The following PRKN variants were observed in gnomAD, a reference collection of about 807,000 sequenced individuals.
The protein encoded by PRKN is parkin RBR E3 ubiquitin protein ligase.
Under a neutral mutation model 59.5 loss-of-function variants are expected in PRKN, and 56 were observed. The observed-to-expected ratio is 0.94, with a 90% CI of 0.76 to 1.18. PRKN has a LOEUF of 1.18. Ranked by LOEUF, PRKN falls within the 50% of genes most tolerant of loss-of-function variation. The pLI is 0.00. For missense variants in PRKN, 657 were observed against 596.4 expected (o/e 1.10, Z -1.06); for synonymous variants, 250 against 222.1 (o/e 1.13, Z -1.12).
At chr6:161,817,926 G>A (rs925988783) in intron 6 of PRKN, among the ~76,000 whole-genome samples, 7 of 152,154 alleles carry the variant, frequency 4.6e-5, no homozygotes, top group African/African-American at 9.7e-5. Context: ...GGAGACCCCC[G>A]AAGAGCCTGA....
intron 8 of PRKN, among the ~76,000 whole-genome samples, chr6:161,563,089 G>T (rs779968463): frequency 5.9e-5 from 9 of 151,910 alleles, no homozygotes; most frequent in African/African-American, 1.5e-4. Flanking sequence ...CTCTGCTTGG[G>T]ATGCTCTTCT....
chr6:161,868,429 A>C (rs2128226142), intron 6 of PRKN, among the ~76,000 whole-genome samples: 1 of 152,014 alleles, frequency 6.6e-6, no homozygotes, highest in South Asian at 2.1e-4. Context: ...AAATACAAAA[A>C]AATTAGCTGG....
chr6:162,170,146 A>T (rs1386621485), intron 4 of PRKN, among the ~76,000 whole-genome samples: 1 of 151,940 alleles, frequency 6.6e-6, no homozygotes, highest in Non-Finnish European at 1.5e-5. Flanking sequence ...TTCCACTTTT[A>T]CCTTTCTTAC....
At chr6:162,027,401 T>C (rs1418260440) in intron 5 of PRKN, among the ~76,000 whole-genome samples, 4 of 152,184 alleles carry the variant, frequency 2.6e-5, no homozygotes, top group Non-Finnish European at 2.9e-5. Flanking sequence ...TGGGCATCTA[T>C]CCTGTCAGAG....
intron 4 of PRKN, among the ~76,000 whole-genome samples, chr6:162,168,556 C>CAA (rs771060815): frequency 0.053 from 2,518 of 47,320 alleles, 483 homozygotes; most frequent in African/African-American, 0.098. Context: ...ATCTGTTTTA[C>CAA]AAAAAAAAAA....
chr6:162,050,027 C>A (rs530499126), intron 5 of PRKN, among the ~76,000 whole-genome samples: 2 of 152,252 alleles, frequency 1.3e-5, no homozygotes, highest in East Asian at 1.9e-4. Flanking sequence ...TAAGATCATA[C>A]CATTTTAAAC....
At chr6:161,364,706 C>T (rs1002635564) in intron 10 of PRKN, among the ~76,000 whole-genome samples, 28 of 151,246 alleles carry the variant, frequency 1.9e-4, no homozygotes, top group Non-Finnish European at 2.9e-4. Flanking sequence ...TAGCACTTTG[C>T]GAGGCCAAGG....
At chr6:162,665,538 A>G (rs937090716) in intron 1 of PRKN, among the ~76,000 whole-genome samples, 1 of 152,160 alleles carries the variant, frequency 6.6e-6, no homozygotes, top group African/African-American at 2.4e-5. Context: ...AAGATAGGAC[A>G]CAAACAAATG....
chr6:161,629,177 C>A (rs1449404449), intron 7 of PRKN, among the ~76,000 whole-genome samples: 2 of 152,226 alleles, frequency 1.3e-5, no homozygotes, highest in East Asian at 1.9e-4. Context: ...GGAAGCAGGA[C>A]AGACTCCTTG....
intron 9 of PRKN, among the ~76,000 whole-genome samples, chr6:161,512,633 A>G (rs1778436310): frequency 6.6e-6 from 1 of 152,188 alleles, no homozygotes; most frequent in Non-Finnish European, 1.5e-5. Flanking sequence ...CTCTGCACCC[A>G]AAATAACCAC....
rs569551870 is a variant in PRKN at position 162,583,988 on chromosome 6, C to T, written c.8-140515G>A. Among the ~76,000 whole-genome samples the T allele has an allele frequency of 5.9e-5, 9 of 151,974 alleles. No homozygotes were observed. In the East Asian group the frequency reaches 1.2e-3, roughly 20 times the overall value. ...CAGCACTTTGGGAGGCTGAGGCGAG[C>T]GGATCACAAGGTCAGGAGATCAAGA... On this transcript the variant is annotated intron_variant, in intron 1 of 11. Coordinates refer to ENST00000366898, the MANE Select transcript of PRKN (RefSeq NM_004562.3).
intron 1 of PRKN, among the ~76,000 whole-genome samples, chr6:162,501,620 TGCTGGGATTAC>T (rs1237098058): frequency 6.6e-6 from 1 of 151,476 alleles, no homozygotes; most frequent in African/African-American, 2.4e-5. Flanking sequence ...CCTCCCAAAG[TGCTGGGATTAC>T]AGGTGTGAGC....
intron 1 of PRKN, among the ~76,000 whole-genome samples, chr6:162,544,543 T>C (rs1436672665): frequency 5.3e-5 from 8 of 152,192 alleles, no homozygotes; most frequent in Admixed American, 2.0e-4. Flanking sequence ...TCCATCTCAG[T>C]GTCATTTATT....
intron 5 of PRKN, among the ~76,000 whole-genome samples, chr6:162,011,030 AT>A (rs372497138): frequency 0.03 from 118 of 3,968 alleles, 2 homozygotes; most frequent in African/African-American, 0.24. Flanking sequence ...ATAATATATA[AT>A]TATAATATAT....
intron 2 of PRKN, among the ~76,000 whole-genome samples, chr6:162,384,936 CTCCCTTT>C (rs1173247881): frequency 6.6e-6 from 1 of 152,080 alleles, no homozygotes; most frequent in East Asian, 1.9e-4. Flanking sequence ...CTGCCTTCCC[CTCCCTTT>C]TGTTGCTCTG....
At chr6:162,204,909 C>T (rs774249413) in intron 3 of PRKN, among the ~76,000 whole-genome samples, 10 of 151,166 alleles carry the variant, frequency 6.6e-5, no homozygotes, top group Middle Eastern at 3.4e-3. Flanking sequence ...GTTGCCCAGA[C>T]TGGAGTGGAA....
chr6:162,448,794 TTCTTTC>T (rs1198398329), intron 1 of PRKN, among the ~76,000 whole-genome samples: 19 of 147,768 alleles, frequency 1.3e-4, no homozygotes, highest in Admixed American at 4.0e-4. Flanking sequence ...CCCTGGACCT[TTCTTTC>T]TCTTTCTCTT....
At chr6:161,422,172 C>T (rs73606949) in intron 9 of PRKN, among the ~76,000 whole-genome samples, 2,178 of 151,772 alleles carry the variant, frequency 0.014, 57 homozygotes, top group African/African-American at 0.049. Context: ...CCCAAAATAA[C>T]CGACTAAGGA....
intron 5 of PRKN, among the ~76,000 whole-genome samples, chr6:162,002,533 T>C (rs1488984298): frequency 6.6e-6 from 1 of 152,080 alleles, no homozygotes; most frequent in Non-Finnish European, 1.5e-5. Flanking sequence ...TTTCCTTTCT[T>C]ACTTAACATG....
Sources: allele counts gnomAD v4.1 joint callset (sites outside exome capture counted in the v4.1 genomes callset), GRCh38; gene constraint gnomAD v4.1.1; transcripts MANE v1.5; gene names NCBI Gene and HGNC (gene_info 2026-07-23, HGNC 2026-07-21).